The following CDH5 variants were observed in gnomAD, a reference collection of about 807,000 sequenced individuals.
CDH5 encodes the protein cadherin 5, also known as cadherin-5.
In CDH5, 28 loss-of-function variants were observed where a neutral mutation model predicts 62.0. The ratio of observed to expected loss-of-function variants is 0.45; its 90% CI spans 0.33 to 0.62. The LOEUF (loss-of-function observed/expected upper bound fraction) is 0.62, where lower values mean the gene tolerates loss of function less well. Among genes scored for constraint, CDH5 ranks in the 20% least tolerant of loss-of-function variants. CDH5 has a pLI of 0.02. For synonymous variants in CDH5, 464 were observed against 445.8 expected, an observed-to-expected ratio of 1.04 and a Z score of -0.52; for missense variants, 940 against 1,065.1, an observed-to-expected ratio of 0.88 and a Z score of 1.63.
chr16:66,375,230 A>C (rs1286387750), intron 1 of CDH5, among the ~76,000 whole-genome samples: 2 of 152,224 alleles, frequency 1.3e-5, no homozygotes, highest in Admixed American at 6.5e-5. Flanking sequence ...AATACAGACA[A>C]GATACAATAA....
intron 6 of CDH5, 57 bp from the exon 7 acceptor site, chr16:66,392,079 G>C: frequency 1.9e-6 from 3 of 1,607,682 alleles, no homozygotes; most frequent in Non-Finnish European, 2.6e-6. Context: ...TGCAGATCAT[G>C]TGCCACACAC....
chr16:66,399,042 A>G (rs1242308948), intron 10 of CDH5, among the ~76,000 whole-genome samples: 1 of 152,216 alleles, frequency 6.6e-6, no homozygotes, highest in East Asian at 1.9e-4. Flanking sequence ...GTCCCCTCCC[A>G]TACTGGAGGC....
chr16:66,402,598 G>A (rs1274471292), intron 11 of CDH5, 54 bp from the exon 12 acceptor site: 2 of 1,420,808 alleles, frequency 1.4e-6, no homozygotes, highest in African/African-American at 1.5e-5. Flanking sequence ...GGCATGGGGG[G>A]CCGCCCAGGC....
chr16:66,399,056 A>G (rs1288903593), intron 10 of CDH5, among the ~76,000 whole-genome samples: 1 of 152,208 alleles, frequency 6.6e-6, no homozygotes, highest in Non-Finnish European at 1.5e-5. Context: ...TGGAGGCTCT[A>G]TGGGTCAGCA....
intron 2 of CDH5, among the ~76,000 whole-genome samples, chr16:66,381,509 T>G (rs959062612): frequency 2.0e-5 from 3 of 152,220 alleles, no homozygotes; most frequent in Non-Finnish European, 4.4e-5. Context: ...TTCAGAGTTT[T>G]CAATGAGGAA....
At chr16:66,380,676 T>C (rs895731680) in intron 2 of CDH5, among the ~76,000 whole-genome samples, 5 of 151,438 alleles carry the variant, frequency 3.3e-5, no homozygotes, top group African/African-American at 1.2e-4. Flanking sequence ...GAAGTGATGA[T>C]GATAGTGATG....
chr16:66,395,391 T>C (rs1961161259), intron 7 of CDH5: 1 of 151,692 alleles, frequency 6.6e-6, no homozygotes. Context: ...AATTCGTAAG[T>C]GTCGTCAGGA....
chr16:66,394,944 A>G (rs1327913647), intron 7 of CDH5, among the ~76,000 whole-genome samples: 1 of 141,168 alleles, frequency 7.1e-6, no homozygotes, highest in East Asian at 2.3e-4. Context: ...TTGAACATCT[A>G]GGCTGAAGCA....
chr16:66,370,854 G>T (rs756603898), intron 1 of CDH5, among the ~76,000 whole-genome samples: 3 of 152,238 alleles, frequency 2.0e-5, no homozygotes, highest in Non-Finnish European at 4.4e-5. Context: ...GGAACTCCTA[G>T]CTCTCCTCGA....
chr16:66,386,203 T>C (rs765671817), intron 2 of CDH5, among the ~76,000 whole-genome samples: 2 of 152,132 alleles, frequency 1.3e-5, no homozygotes, highest in Non-Finnish European at 2.9e-5. Flanking sequence ...ATTCTAGGCA[T>C]GCTGGGGCTC....
In CDH5 at chr16:66,402,962, G is replaced by A. The variant is rs771378915; in HGVS notation, c.2148G>A (p.Ala716=). 6.8e-6 allele frequency: 11 copies of A among 1,612,756 alleles called. No individual in the cohort carries two copies. Among genetic ancestry groups the A allele is most frequent in the African/African-American group, 2.7e-5 (2 of 74,890 alleles). Residue 716 remains alanine, a synonymous_variant, in exon 12 of 12, where the codon GCG becomes GCA. Coordinates refer to ENST00000341529, the MANE Select transcript of CDH5 (RefSeq NM_001795.5). ...TGATCGAGGTGAAGAAGGACGAGGC[G>A]GACCACGACGGCGACGGCCCCCCCT... ...AAMIEVKKDE[A]DHDGDGPPYD...
Position 66,400,872 on chromosome 16 carries a change from C to A in CDH5, c.1693C>A (p.Arg565Ser). 2.5e-6 allele frequency: 4 copies of A among 1,614,190 alleles called. No homozygotes were observed. The highest frequency in any genetic ancestry group is 3.4e-6 in the Non-Finnish European group (4 of 1,180,044). ...CATCTCAGACAATGGGATGCCAAGT[C>A]GCACGGGCACCAGCACGCTGACCGT... ...VVISDNGMPS[R>S]TGTSTLTVAV... Residue 565 changes from arginine to serine, a missense_variant, in exon 11 of 12, where the codon CGC becomes AGC. Coordinates refer to ENST00000341529, the MANE Select transcript of CDH5 (RefSeq NM_001795.5).
chr16:66,389,734 A>G lies in CDH5; in HGVS notation c.781+212A>G, dbSNP rs190018006. Reference sequence around the variant, plus strand: ...GGCCATCCTGCCGCCCCCTGCCACAATCCCCTCATAGGCCAGAGGGAAATC... The same window carrying G: ...GGCCATCCTGCCGCCCCCTGCCACAGTCCCCTCATAGGCCAGAGGGAAATC... On this transcript the variant is annotated intron_variant, in intron 5 of 11. Transcript: ENST00000341529. 8.8e-4 allele frequency among the ~76,000 whole-genome samples: 134 copies of G among 152,036 alleles called. 1 individual carries two copies. The highest frequency in any genetic ancestry group is 7.7e-3 in the South Asian group (37 of 4,806).
chr16:66,384,793 C>G (rs1171305953), intron 2 of CDH5, among the ~76,000 whole-genome samples: 1 of 151,968 alleles, frequency 6.6e-6, no homozygotes, highest in African/African-American at 2.4e-5. Context: ...TGGTGAAACC[C>G]TGTCTCTACT....
Position 66,398,536 on chromosome 16 carries a change from C to T in CDH5, c.1566C>T (p.Asn522=). 6.3e-7 allele frequency: 1 copy of T among 1,582,432 alleles called. No homozygotes were observed. Among genetic ancestry groups the T allele is most frequent in the Non-Finnish European group, 8.7e-7 (1 of 1,151,056 alleles). The change falls in exon 10 of 12, where the codon AAC becomes AAT. Residue 522 remains asparagine, a synonymous_variant. Coordinates refer to ENST00000341529, the MANE Select transcript of CDH5 (RefSeq NM_001795.5). ...TCAAATTCATCTTGAATACTGAGAA[C>T]AACTTTACCCTCACGGATAATCACG... The part of the protein sequence containing the change: ...VKFKFILNTE[N]NFTLTDNHDN...
chr16:66,380,355 G>C (rs1440265954), intron 2 of CDH5, among the ~76,000 whole-genome samples: 1 of 149,824 alleles, frequency 6.7e-6, no homozygotes, highest in Non-Finnish European at 1.5e-5. Flanking sequence ...GTGGGTGATG[G>C]TGGTGATGAT....
At chr16:66,390,915 C>T (rs1483531051) in intron 6 of CDH5, among the ~76,000 whole-genome samples, 2 of 152,198 alleles carry the variant, frequency 1.3e-5, no homozygotes, top group Non-Finnish European at 2.9e-5. Context: ...TATTTATACA[C>T]CCGCTGTCCG....
intron 3 of CDH5, among the ~76,000 whole-genome samples, chr16:66,387,685 A>G (rs1418352939): frequency 6.6e-6 from 1 of 152,224 alleles, no homozygotes; most frequent in Non-Finnish European, 1.5e-5. Context: ...CTAGCACACC[A>G]AGAGTGTAGC....
chr16:66,388,398 C>G lies in CDH5; in HGVS notation c.574C>G (p.Gln192Glu). 6.2e-7 allele frequency: 1 copy of G among 1,613,732 alleles called. No homozygotes were observed. ...TVGDHASVMYQILKGKEYFAI... is the reference protein window; with the variant it reads ...TVGDHASVMYEILKGKEYFAI... The stretch of plus-strand genomic sequence containing the variant: ...GGGAGACCACGCCTCTGTCATGTAC[C>G]AAATCCTGAAGGGGAAAGAGTATTT... The change falls in exon 4 of 12, where the codon CAA (glutamine) becomes GAA (glutamate). Residue 192 changes from glutamine to glutamate, a missense_variant. By Grantham distance (29) the Gln-to-Glu change is conservative (BLOSUM62 2). Transcript: ENST00000341529.
Sources: gnomAD v4.1 joint callset for allele counts (sites outside exome capture counted in the v4.1 genomes callset) on GRCh38, gnomAD v4.1.1 for gene constraint, MANE v1.5 for transcripts, NCBI Gene and HGNC (gene_info 2026-07-23, HGNC 2026-07-21) for gene names.